The following CNNM2 variants were observed in gnomAD, a reference collection of about 807,000 sequenced individuals.
The protein encoded by CNNM2 is metal transporter CNNM2.
CNNM2 carries 12 observed loss-of-function variants against 66.9 expected under a neutral mutation model. The observed-to-expected ratio is 0.18, with a 90% confidence interval of 0.11 to 0.29. The LOEUF is 0.29. Ranked by LOEUF, CNNM2 falls within the 10% of genes least tolerant of loss-of-function variation. CNNM2 has a pLI of 1.00. For missense variants in CNNM2, 705 were observed against 1,167.7 expected (o/e 0.60, Z 5.77); for synonymous variants, 557 against 501.8 (o/e 1.11, Z -1.47).
chr10:103,051,267 C>T (rs1030567309), intron 2 of CNNM2, among the ~76,000 whole-genome samples: 6 of 151,938 alleles, frequency 3.9e-5, no homozygotes, highest in Non-Finnish European at 8.8e-5. Context: ...TCCGTCTCTA[C>T]TAAAAATACA....
chr10:102,924,120 C>T (rs905939851), intron 1 of CNNM2, among the ~76,000 whole-genome samples: 14 of 152,020 alleles, frequency 9.2e-5, no homozygotes, highest in Admixed American at 2.0e-4. Flanking sequence ...CAGTAAATAC[C>T]GCTAGAGGAT....
At chr10:102,977,343 A>G (rs551495783) in intron 1 of CNNM2, among the ~76,000 whole-genome samples, 1 of 152,130 alleles carries the variant, frequency 6.6e-6, no homozygotes, top group Admixed American at 6.5e-5. Context: ...TCCAGTGAAC[A>G]TTTCTTCTGA....
At chr10:102,940,775 G>A (rs1267143184) in intron 1 of CNNM2, among the ~76,000 whole-genome samples, 2 of 151,972 alleles carry the variant, frequency 1.3e-5, no homozygotes, top group Non-Finnish European at 2.9e-5. Flanking sequence ...AGGCTGGAGT[G>A]CAGTGGCACT....
chr10:103,071,800 G>T lies in CNNM2; in HGVS notation c.2194G>T (p.Val732Phe). 1 of 1,613,842 alleles carries T rather than the reference G, an allele frequency of 6.2e-7. No homozygotes were observed. Among genetic ancestry groups the T allele is most frequent in the Non-Finnish European group, 8.5e-7 (1 of 1,179,858 alleles). Residue 732 changes from valine to phenylalanine, a missense_variant, in exon 6 of 8, where the codon GTT becomes TTT. This residue lies in a region of CNNM2 where 194 missense variants were observed against 227.6 expected (regional missense o/e 0.85). Transcript: ENST00000369878. ...TCCTTTGTCCCTGTCTCGTACCTTTGTTGTCAGCAGAACAGAGTTGTTAGC... is the reference window on the plus strand; with the variant it reads ...TCCTTTGTCCCTGTCTCGTACCTTTTTTGTCAGCAGAACAGAGTTGTTAGC... ...PVPLSLSRTF[V>F]VSRTELLAAG... is the part of the protein sequence containing the mutation.
At chr10:103,004,120 A>G (rs1171876755) in intron 1 of CNNM2, among the ~76,000 whole-genome samples, 1 of 90,946 alleles carries the variant, frequency 1.1e-5, no homozygotes, top group African/African-American at 4.6e-5. Flanking sequence ...CTCCTACCTC[A>G]GCCTCCCAAG....
chr10:103,073,213 G>A (rs2065623540), intron 6 of CNNM2, among the ~76,000 whole-genome samples: 1 of 152,248 alleles, frequency 6.6e-6, no homozygotes, highest in Non-Finnish European at 1.5e-5. Context: ...CAAACAGAGG[G>A]CAGTGGGGCG....
At chr10:102,980,937 A>G (rs892547819) in intron 1 of CNNM2, among the ~76,000 whole-genome samples, 1 of 152,224 alleles carries the variant, frequency 6.6e-6, no homozygotes, top group Admixed American at 6.5e-5. Flanking sequence ...ATTCTAAAGT[A>G]AATACATCAG....
At chr10:102,954,126 CT>C (rs35543663) in intron 1 of CNNM2, among the ~76,000 whole-genome samples, 4,691 of 132,976 alleles carry the variant, frequency 0.035, 93 homozygotes, top group South Asian at 0.11. Context: ...CTTTTCTTTT[CT>C]TTTTTTTTTT....
intron 1 of CNNM2, among the ~76,000 whole-genome samples, chr10:102,929,659 T>C (rs1846000250): frequency 6.6e-6 from 1 of 152,160 alleles, no homozygotes; most frequent in Non-Finnish European, 1.5e-5. Context: ...TCTTTAATCA[T>C]AAACAACTGA....
intron 1 of CNNM2, among the ~76,000 whole-genome samples, chr10:103,008,073 T>G (rs1490157234): frequency 6.6e-6 from 1 of 152,158 alleles, no homozygotes; most frequent in Non-Finnish European, 1.5e-5. Context: ...TAAATCCCAC[T>G]GAGTAGAGTT....
intron 1 of CNNM2, among the ~76,000 whole-genome samples, chr10:103,026,374 T>C (rs564783798): frequency 4.4e-4 from 67 of 151,048 alleles, no homozygotes; most frequent in Non-Finnish European, 9.0e-4. Flanking sequence ...CCAAGGCGGG[T>C]GGATCGCTTG....
At position 103,041,235 on chromosome 10, in the gene CNNM2, G is replaced by T. The variant is rs550571785; in HGVS notation, c.1622-8472G>T. Among the ~76,000 whole-genome samples, 11 of 152,168 alleles carry T rather than the reference G, an allele frequency of 7.2e-5. No individual in the cohort carries two copies. The South Asian group carries it at 2.3e-3, about 32-fold the overall frequency. On this transcript the variant is annotated intron_variant, in intron 1 of 7. Coordinates refer to ENST00000369878, the MANE Select transcript of CNNM2 (RefSeq NM_017649.5). ...TGTTGTCAACACCCTGACTCCCACC[G>T]GCTCTTTCCGGTGGTAGTTTTCCAG...
intron 1 of CNNM2, among the ~76,000 whole-genome samples, chr10:102,925,453 G>T (rs1448899650): frequency 6.6e-6 from 1 of 152,000 alleles, no homozygotes; most frequent in African/African-American, 2.4e-5. Context: ...GGTTAGGTGA[G>T]TTTAGGAAAA....
chr10:102,985,834 TG>T (rs1209105937), intron 1 of CNNM2, among the ~76,000 whole-genome samples: 3 of 152,220 alleles, frequency 2.0e-5, no homozygotes, highest in African/African-American at 7.2e-5. Flanking sequence ...ACAAAGTGAA[TG>T]GGCCCTGCCA....
intron 6 of CNNM2, among the ~76,000 whole-genome samples, chr10:103,075,837 A>G (rs2065680960): frequency 6.6e-6 from 1 of 152,076 alleles, no homozygotes; most frequent in African/African-American, 2.4e-5. Flanking sequence ...TTGCTGTTAG[A>G]GACTTGGGAG....
chr10:103,004,831 AT>A (rs1282842973), intron 1 of CNNM2, among the ~76,000 whole-genome samples: 1 of 152,170 alleles, frequency 6.6e-6, no homozygotes, highest in African/African-American at 2.4e-5. Flanking sequence ...TTTCACATAA[AT>A]TTTATAATTG....
chr10:103,013,305 C>T (rs2064381118), intron 1 of CNNM2, among the ~76,000 whole-genome samples: 1 of 152,110 alleles, frequency 6.6e-6, no homozygotes, highest in African/African-American at 2.4e-5. Flanking sequence ...ATAGTCTCTT[C>T]TTCACGAGTT....
intron 1 of CNNM2, among the ~76,000 whole-genome samples, chr10:102,938,433 C>G (rs546190050): frequency 6.8e-6 from 1 of 147,094 alleles, no homozygotes. Flanking sequence ...GACAGAGCAA[C>G]GCTCTGTCTC....
chr10:102,942,619 C>G (rs1846470198), intron 1 of CNNM2, among the ~76,000 whole-genome samples: 1 of 152,164 alleles, frequency 6.6e-6, no homozygotes, highest in Admixed American at 6.6e-5. Flanking sequence ...CTGCTATGAA[C>G]ATGGGTGTGA....
Sources: gnomAD v4.1 joint callset for allele counts (sites outside exome capture counted in the v4.1 genomes callset) on GRCh38, gnomAD v4.1.1 for gene constraint, gnomAD v4.1.1 regional missense constraint, MANE v1.5 for transcripts, NCBI Gene and HGNC (gene_info 2026-07-23, HGNC 2026-07-21) for gene names.